HMGN3: variants seen among roughly 807,000 people sequenced by gnomAD.
The protein encoded by HMGN3 is high mobility group nucleosome-binding domain-containing protein 3.
Under a neutral mutation model 18.8 loss-of-function variants are expected in HMGN3, and 6 were observed. The observed-to-expected ratio is 0.32, with a 90% CI of 0.18 to 0.63. The LOEUF is 0.63. Ranked by LOEUF, HMGN3 falls within the 30% of genes least tolerant of loss-of-function variation. HMGN3 has a pLI of 0.79. For synonymous variants in HMGN3, 40 were observed against 36.5 expected (o/e 1.10, Z -0.35); for missense variants, 107 against 114.2 (o/e 0.94, Z 0.29).
exon 5 of HMGN3, chr6:79,202,287 T>C (rs1326521034): frequency 7.4e-6 from 12 of 1,614,160 alleles, no homozygotes; most frequent in Non-Finnish European, 1.0e-5. Context: ...TCTTCAGCTT[T>C]AGTTTCACCA....
intron 2 of HMGN3, among the ~76,000 whole-genome samples, chr6:79,214,736 A>G (rs1776884681): frequency 6.6e-6 from 1 of 152,216 alleles, no homozygotes. Flanking sequence ...GTAGAAACAT[A>G]AACAACACAG....
intron 1 of HMGN3, among the ~76,000 whole-genome samples, chr6:79,227,342 AT>A: frequency 6.6e-6 from 1 of 152,182 alleles, no homozygotes; most frequent in Admixed American, 6.5e-5. Context: ...TCCATTTGTT[AT>A]TTGGTGATTA....
At chr6:79,215,573 C>T (rs1776937654) in intron 1 of HMGN3, among the ~76,000 whole-genome samples, 1 of 152,202 alleles carries the variant, frequency 6.6e-6, no homozygotes, top group Non-Finnish European at 1.5e-5. Context: ...CTACTAAACT[C>T]CCAGCCTTGG....
intron 4 of HMGN3, 140 bp downstream of exon 4, chr6:79,203,440 G>T (rs552087574): frequency 1.9e-5 from 14 of 740,092 alleles, no homozygotes; most frequent in Middle Eastern, 2.7e-4. Context: ...TGTGCTTTAT[G>T]CCTTTAAGCA....
intron 2 of HMGN3, 46 bp downstream of exon 2, chr6:79,214,926 A>G: frequency 9.9e-7 from 1 of 1,011,306 alleles, no homozygotes; most frequent in Non-Finnish European, 1.5e-6. Context: ...AATATTAAAC[A>G]TTTCAATGTA....
intron 1 of HMGN3, among the ~76,000 whole-genome samples, chr6:79,217,968 T>C (rs933770388): frequency 5.3e-5 from 8 of 152,290 alleles, no homozygotes; most frequent in Non-Finnish European, 1.0e-4. Context: ...TGCCCCACTC[T>C]CCAGGACACA....
Position 79,203,456 on chromosome 6 carries a change from G to C in HMGN3, c.147+124C>G. ...GTGCTTTATGCCTTTAAGCAAGCCC[G>C]TAACAGTGGTAATGGTTTCAGTTTG... On this transcript the variant is annotated intron_variant, in intron 4 of 5. Transcript: ENST00000344726. 9.4e-6 allele frequency: 8 copies of C among 854,484 alleles called. No homozygotes were observed. The South Asian group carries it at 1.2e-4, about 13-fold the overall frequency. The allele number at this position is 854,484 out of a possible 1,614,324, so 52.9% of individuals were successfully genotyped here.
In HMGN3 at chr6:79,201,736, A is replaced by G. The variant is rs758142127; in HGVS notation, c.262-10T>C. 1 of 1,604,886 alleles carries G rather than the reference A, an allele frequency of 6.2e-7. No homozygotes were observed. Among genetic ancestry groups the G allele is most frequent in the African/African-American group, 1.4e-5 (1 of 73,580 alleles). Reference sequence around the variant, plus strand: ...ATTCAGTTTTCTGTGCCTGTGAAAAAGAAAGGAAAAAAAAACATATAGTTA... The same window carrying G: ...ATTCAGTTTTCTGTGCCTGTGAAAAGGAAAGGAAAAAAAAACATATAGTTA... On this transcript the variant is annotated splice_polypyrimidine_tract_variant and intron_variant, in intron 5 of 5. Coordinates refer to ENST00000344726, the Ensembl canonical transcript of HMGN3.
Position 79,221,322 on chromosome 6 carries a change from C to G in HMGN3, c.16-6300G>C, listed in dbSNP as rs547597285. On this transcript the variant is annotated intron_variant, in intron 1 of 5. Coordinates refer to ENST00000344726, the Ensembl canonical transcript of HMGN3. Reference sequence around the variant, plus strand: ...GAAGGAGTGTGGGAGTCGAGATGGGCAGAGGGAGTGTGGATTCCTTCAACA... The same window carrying G: ...GAAGGAGTGTGGGAGTCGAGATGGGGAGAGGGAGTGTGGATTCCTTCAACA... Among the ~76,000 whole-genome samples the G allele has an allele frequency of 5.9e-5, 9 of 152,278 alleles. No individual in the cohort carries two copies. In the South Asian group the frequency reaches 1.9e-3, roughly 32 times the overall value.
exon 2 of HMGN3, chr6:79,214,980 T>G: frequency 6.7e-7 from 1 of 1,496,844 alleles, no homozygotes; most frequent in Non-Finnish European, 9.2e-7. Flanking sequence ...ACCTCCTGTT[T>G]AGTTACTTTG....
At chr6:79,205,362 T>C (rs549240356) in intron 3 of HMGN3, among the ~76,000 whole-genome samples, 29 of 152,168 alleles carry the variant, frequency 1.9e-4, no homozygotes, top group African/African-American at 5.6e-4. Flanking sequence ...TGGGAGGTGA[T>C]TGAATTATGG....
At chr6:79,231,609 T>C (rs1166589293) in intron 1 of HMGN3, among the ~76,000 whole-genome samples, 1 of 152,240 alleles carries the variant, frequency 6.6e-6, no homozygotes, top group Non-Finnish European at 1.5e-5. Context: ...CAGAACATTT[T>C]AATATTAATT....
intron 2 of HMGN3, among the ~76,000 whole-genome samples, chr6:79,213,678 G>C (rs571770362): frequency 4.1e-4 from 62 of 152,192 alleles, no homozygotes; most frequent in African/African-American, 1.5e-3. Flanking sequence ...TGGATGATGG[G>C]GACAGACTGT....
At chr6:79,206,217 G>A (rs757390509) in intron 3 of HMGN3, among the ~76,000 whole-genome samples, 6 of 152,198 alleles carry the variant, frequency 3.9e-5, no homozygotes, top group Non-Finnish European at 8.8e-5. Context: ...ATTTGCATGA[G>A]TAATGAGGAG....
intron 1 of HMGN3, among the ~76,000 whole-genome samples, chr6:79,229,416 C>G (rs1177347533): frequency 6.6e-6 from 1 of 152,076 alleles, no homozygotes; most frequent in Non-Finnish European, 1.5e-5. Flanking sequence ...ACACATTATG[C>G]TAGTAAACAC....
At chr6:79,211,291 T>C (rs534908730) in intron 2 of HMGN3, among the ~76,000 whole-genome samples, 34 of 152,174 alleles carry the variant, frequency 2.2e-4, no homozygotes, top group Non-Finnish European at 3.8e-4. Context: ...GAAAGTTCTA[T>C]CAGCTTTCAC....
chr6:79,219,013 C>A (rs1414280), intron 1 of HMGN3, among the ~76,000 whole-genome samples: 74,641 of 151,878 alleles, frequency 0.49, 19,711 homozygotes, highest in East Asian at 0.8. Context: ...CCACAACTAT[C>A]TAATAGGCAT....
chr6:79,212,711 T>C (rs1776759454), intron 2 of HMGN3, among the ~76,000 whole-genome samples: 1 of 152,240 alleles, frequency 6.6e-6, no homozygotes, highest in African/African-American at 2.4e-5. Flanking sequence ...CCTTCTAATA[T>C]GGCAGTGGAA....
chr6:79,223,235 G>A (rs777693979), intron 1 of HMGN3, among the ~76,000 whole-genome samples: 21 of 152,284 alleles, frequency 1.4e-4, no homozygotes, highest in Non-Finnish European at 2.2e-4. Flanking sequence ...CACAAGGCTA[G>A]GTACAGTGGC....
Sources: allele counts gnomAD v4.1 joint callset (sites outside exome capture counted in the v4.1 genomes callset), GRCh38; gene constraint gnomAD v4.1.1; transcripts MANE v1.5; gene names NCBI Gene and HGNC (gene_info 2026-07-23, HGNC 2026-07-21).